The following HELB variants were observed in gnomAD, a reference collection of about 807,000 sequenced individuals.
HELB encodes DNA 5'-3' helicase B.
HELB carries 96 observed loss-of-function variants against 101.7 expected under a neutral mutation model. The ratio of observed to expected loss-of-function variants is 0.94; its 90% confidence interval spans 0.80 to 1.12. The LOEUF (loss-of-function observed/expected upper bound fraction) is 1.12. Ranked by LOEUF, HELB falls within the 50% of genes most tolerant of loss-of-function variation. The pLI, the probability that HELB is intolerant of heterozygous loss-of-function variation, is 0.00. For synonymous variants in HELB, 437 were observed against 459.7 expected (o/e 0.95, Z 0.63); for missense variants, 1,210 against 1,291.9 (o/e 0.94, Z 0.97).
intron 11 of HELB, among the ~76,000 whole-genome samples, chr12:66,327,575 A>G (rs534176732): frequency 6.7e-6 from 1 of 149,804 alleles, no homozygotes; most frequent in Admixed American, 6.7e-5. Flanking sequence ...TGGTTATTTC[A>G]TGGTTGAAGT....
At chr12:66,310,735 A>G (rs2053534703) in intron 4 of HELB, 127 bp downstream of exon 4, 1 of 813,648 alleles carries the variant, frequency 1.2e-6, no homozygotes, top group Admixed American at 2.5e-5. Flanking sequence ...GATGGAGACC[A>G]TCCTGGCTAA....
chr12:66,338,180 A>G lies in HELB; in HGVS notation c.*78A>G. The G allele has an allele frequency of 1.2e-6, 1 of 861,678 alleles. No homozygotes were observed. Among genetic ancestry groups the G allele is most frequent in the Non-Finnish European group, 1.9e-6 (1 of 523,978 alleles). The allele number at this position is 861,678 out of a possible 1,614,324, so 53.4% of individuals were successfully genotyped here. ...AACATCGTAACGTCAAAGTACCAAGATAAAAAAAGTTTCCTATAACTGGAG... is the reference window on the plus strand; with the variant it reads ...AACATCGTAACGTCAAAGTACCAAGGTAAAAAAAGTTTCCTATAACTGGAG... On this transcript the variant is annotated 3_prime_UTR_variant, in exon 13 of 13. Coordinates refer to ENST00000247815, the MANE Select transcript of HELB (RefSeq NM_001370285.1).
In HELB at chr12:66,302,806, G is replaced by A. The variant is rs2053421517; in HGVS notation, c.187+16G>A. On this transcript the variant is annotated intron_variant, in intron 1 of 12. Coordinates refer to ENST00000247815, the MANE Select transcript of HELB (RefSeq NM_001370285.1). ...TGCCTCCGCGGTGAGGAAGGCGTCT[G>A]CCCGGGGGATGGGGTTGGAGGGTCC... 1 of 1,593,980 alleles carries A rather than the reference G, an allele frequency of 6.3e-7. No homozygotes were observed. Among genetic ancestry groups the A allele is most frequent in the East Asian group, 2.3e-5 (1 of 44,038 alleles).
intron 12 of HELB, 146 bp downstream of exon 12, chr12:66,331,791 C>A: frequency 1.3e-6 from 1 of 794,288 alleles, no homozygotes; most frequent in East Asian, 2.6e-5. Flanking sequence ...TCAAATTTCC[C>A]TTACCTCACT....
At chr12:66,319,335 G>C (rs892163346) in intron 7 of HELB, among the ~76,000 whole-genome samples, 8 of 152,200 alleles carry the variant, frequency 5.3e-5, no homozygotes, top group African/African-American at 1.7e-4. Flanking sequence ...TTGAGAAAGA[G>C]TGTGGGACAG....
At chr12:66,309,090 G>A (rs981157602) in intron 3 of HELB, among the ~76,000 whole-genome samples, 3 of 152,104 alleles carry the variant, frequency 2.0e-5, no homozygotes, top group Non-Finnish European at 4.4e-5. Context: ...GATACACACC[G>A]AGTTCAACAG....
chr12:66,313,619 G>A (rs560291468), intron 4 of HELB, among the ~76,000 whole-genome samples: 361 of 152,212 alleles, frequency 2.4e-3, no homozygotes, highest in Middle Eastern at 0.02. Flanking sequence ...TTCATAATTC[G>A]GTTGAGAAAG....
chr12:66,309,641 A>T, intron 3 of HELB, 65 bp from the exon 4 acceptor site: 2 of 1,082,276 alleles, frequency 1.8e-6, no homozygotes, highest in Non-Finnish European at 2.6e-6. Context: ...AAAAATTATT[A>T]ATAAAGAACA....
At chr12:66,329,027 G>A (rs1194581149) in intron 11 of HELB, among the ~76,000 whole-genome samples, 1 of 152,188 alleles carries the variant, frequency 6.6e-6, no homozygotes, top group African/African-American at 2.4e-5. Flanking sequence ...CTTCATACAA[G>A]TGGTTGAGTT....
chr12:66,337,014 T>C (rs575688769), intron 12 of HELB, among the ~76,000 whole-genome samples: 3 of 151,974 alleles, frequency 2.0e-5, no homozygotes, highest in Non-Finnish European at 2.9e-5. Flanking sequence ...AGCAATGGGG[T>C]TGGAGAAGAG....
intron 12 of HELB, among the ~76,000 whole-genome samples, chr12:66,337,141 C>T (rs556753668): frequency 1.3e-5 from 2 of 152,142 alleles, no homozygotes; most frequent in South Asian, 2.1e-4. Context: ...CACCATTAAT[C>T]AGATTGGGAA....
chr12:66,309,661 A>C (rs769313636), intron 3 of HELB, 45 bp from the exon 4 acceptor site: 1 of 1,282,790 alleles, frequency 7.8e-7, no homozygotes, highest in South Asian at 1.6e-5. Flanking sequence ...ATATTCATAA[A>C]CACTTATGAT....
At chr12:66,318,840 G>T in intron 7 of HELB, 48 bp downstream of exon 7, 1 of 1,416,888 alleles carries the variant, frequency 7.1e-7, no homozygotes. Context: ...AACTATTTAA[G>T]TTTTGTAACA....
intron 9 of HELB, among the ~76,000 whole-genome samples, chr12:66,323,046 C>T (rs1488419900): frequency 6.6e-6 from 1 of 151,852 alleles, no homozygotes; most frequent in East Asian, 1.9e-4. Flanking sequence ...TTCAGCTTCT[C>T]CAAGATAAGC....
chr12:66,331,883 T>G (rs1389017939), intron 12 of HELB, among the ~76,000 whole-genome samples: 1 of 152,196 alleles, frequency 6.6e-6, no homozygotes, highest in Non-Finnish European at 1.5e-5. Flanking sequence ...CTCAGTTCTT[T>G]TTTCCTTTGA....
At chr12:66,302,840 G>A in intron 1 of HELB, 50 bp downstream of exon 1, 2 of 1,498,400 alleles carry the variant, frequency 1.3e-6, no homozygotes, top group East Asian at 2.4e-5. Context: ...CCAAAGTAGC[G>A]CTTCCCATTC....
At chr12:66,332,214 T>C (rs1371850743) in intron 12 of HELB, among the ~76,000 whole-genome samples, 1 of 152,166 alleles carries the variant, frequency 6.6e-6, no homozygotes, top group African/African-American at 2.4e-5. Flanking sequence ...TCTTCCTAGT[T>C]ACATGGCTTA....
chr12:66,322,878 T>G, intron 9 of HELB, 95 bp downstream of exon 9: 2 of 721,644 alleles, frequency 2.8e-6, no homozygotes, highest in Admixed American at 2.5e-5. Context: ...TATTTACATA[T>G]ATTCCCAAAA....
At chr12:66,308,279 GATT>G (rs2053500988) in intron 3 of HELB, among the ~76,000 whole-genome samples, 1 of 152,124 alleles carries the variant, frequency 6.6e-6, no homozygotes, top group Non-Finnish European at 1.5e-5. Context: ...ATAAGGCAGA[GATT>G]ATCTGGTGGT....
Sources: allele counts gnomAD v4.1 joint callset (sites outside exome capture counted in the v4.1 genomes callset), GRCh38; gene constraint gnomAD v4.1.1; transcripts MANE v1.5; gene names NCBI Gene and HGNC (gene_info 2026-07-23, HGNC 2026-07-21).